The following LGSN variants were observed in gnomAD, a reference collection of about 807,000 sequenced individuals.
The protein encoded by LGSN is lengsin.
In LGSN, 21 loss-of-function variants were observed where a neutral mutation model predicts 19.5. That is an observed-to-expected ratio of 1.07 (90% CI 0.76 to 1.55). The LOEUF is 1.55. Among genes scored for constraint, LGSN ranks in the 40% most tolerant of loss-of-function variants. LGSN has a pLI of 0.00. For synonymous variants in LGSN, 257 were observed against 215.6 expected, an observed-to-expected ratio of 1.19 and a Z score of -1.68; for missense variants, 673 against 608.5, an observed-to-expected ratio of 1.11 and a Z score of -1.12.
the LGSN span, chr6:63,441,641 G>A: frequency 1.9e-5 from 9 of 479,262 alleles, no homozygotes; most frequent in Middle Eastern, 3.9e-4. Context: ...GCGGGAGAAG[G>A]CAGAGGAGAA....
At chr6:63,412,560 A>AAGAAAGAAAG in the LGSN span, among the ~76,000 whole-genome samples, 11 of 140,012 alleles carry the variant, frequency 7.9e-5, no homozygotes, top group African/African-American at 1.2e-4. Context: ...GAAAGAAAGA[A>AAGAAAGAAAG]AGAAAGAAAG....
the LGSN span, among the ~76,000 whole-genome samples, chr6:63,354,354 C>A: frequency 2.6e-5 from 4 of 151,904 alleles, no homozygotes; most frequent in Admixed American, 2.0e-4. Flanking sequence ...ATTTCTTGGA[C>A]GAAGACACAC....
chr6:63,509,254 A>G, the LGSN span, among the ~76,000 whole-genome samples: 30 of 151,974 alleles, frequency 2.0e-4, no homozygotes, highest in South Asian at 1.5e-3. Flanking sequence ...TAGTAGAGAC[A>G]GGGTTTCACC....
At chr6:63,534,661 A>T in the LGSN span, among the ~76,000 whole-genome samples, 4 of 151,764 alleles carry the variant, frequency 2.6e-5, no homozygotes, top group Non-Finnish European at 5.9e-5. Context: ...TAATAATAAA[A>T]TTGTCACCAG....
At chr6:63,430,865 T>C in the LGSN span, among the ~76,000 whole-genome samples, 219 of 152,196 alleles carry the variant, frequency 1.4e-3, 6 homozygotes, top group South Asian at 0.043. Flanking sequence ...CCTGAACAAA[T>C]GTATGATTAA....
the LGSN span, among the ~76,000 whole-genome samples, chr6:63,425,206 G>A: frequency 1.3e-5 from 2 of 152,208 alleles, no homozygotes; most frequent in Admixed American, 6.6e-5. Flanking sequence ...GAAGCAGTTT[G>A]ACAGTTTCTT....
the LGSN span, among the ~76,000 whole-genome samples, chr6:63,525,836 G>A: frequency 6.6e-6 from 1 of 152,126 alleles, no homozygotes; most frequent in Admixed American, 6.6e-5. Context: ...AAAATAGTTG[G>A]TGTGGTTTCT....
At chr6:63,419,366 G>A in the LGSN span, among the ~76,000 whole-genome samples, 7 of 152,050 alleles carry the variant, frequency 4.6e-5, no homozygotes, top group African/African-American at 1.2e-4. Context: ...AAACGATTAC[G>A]AAGGCTTTAC....
chr6:63,455,124 C>T, the LGSN span, among the ~76,000 whole-genome samples: 2 of 152,094 alleles, frequency 1.3e-5, no homozygotes, highest in Admixed American at 6.6e-5. Flanking sequence ...GGAAGTTAGC[C>T]ACAACATCCC....
At chr6:63,336,575 A>ATATATATATATATATGTGTGTGTGTG in the LGSN span, among the ~76,000 whole-genome samples, 3 of 148,692 alleles carry the variant, frequency 2.0e-5, no homozygotes, top group African/African-American at 7.5e-5. Flanking sequence ...ATATATATAT[A>ATATATATATATATATGTGTGTGTGTG]TGTATAAAAT....
chr6:63,296,042 G>C (rs536144350), intron 1 of LGSN, among the ~76,000 whole-genome samples: 1 of 152,146 alleles, frequency 6.6e-6, no homozygotes, highest in African/African-American at 2.4e-5. Context: ...AATATATGTT[G>C]AGTAACTGCT....
At chr6:63,367,841 A>G in the LGSN span, among the ~76,000 whole-genome samples, 7 of 151,890 alleles carry the variant, frequency 4.6e-5, no homozygotes, top group East Asian at 1.4e-3. Flanking sequence ...TATTGCAAGG[A>G]CAGAAAACTA....
intron 3 of LGSN, among the ~76,000 whole-genome samples, 197 bp from the exon 4 acceptor site, chr6:63,281,417 C>A (rs771363343): frequency 6.8e-6 from 1 of 148,024 alleles, no homozygotes; most frequent in African/African-American, 2.5e-5. Flanking sequence ...AATAAAACCC[C>A]CAAAGGCAAC....
chr6:63,298,259 G>A (rs144576451), intron 1 of LGSN, among the ~76,000 whole-genome samples: 208 of 152,272 alleles, frequency 1.4e-3, no homozygotes, highest in Non-Finnish European at 2.5e-3. Context: ...TTGTCTCTCA[G>A]ATTATGGAGA....
chr6:63,423,469 C>T, the LGSN span, among the ~76,000 whole-genome samples: 2 of 147,140 alleles, frequency 1.4e-5, no homozygotes, highest in African/African-American at 5.1e-5. Context: ...AACTCTGTCT[C>T]TACCAAAAAA....
At chr6:63,533,682 C>G in the LGSN span, among the ~76,000 whole-genome samples, 85 of 152,032 alleles carry the variant, frequency 5.6e-4, no homozygotes, top group African/African-American at 2.0e-3. Flanking sequence ...CTTGGGAGGA[C>G]AGGATTAGAA....
At chr6:63,552,347 T>C in the LGSN span, among the ~76,000 whole-genome samples, 1 of 152,248 alleles carries the variant, frequency 6.6e-6, no homozygotes, top group Non-Finnish European at 1.5e-5. Flanking sequence ...GAGAAGTGTC[T>C]GTTCATGTCC....
chr6:63,378,183 A>C, the LGSN span, among the ~76,000 whole-genome samples: 2 of 152,140 alleles, frequency 1.3e-5, no homozygotes, highest in African/African-American at 4.8e-5. Flanking sequence ...ATGAACACAA[A>C]CGCTTAGGGA....
chr6:63,412,742 AG>A, the LGSN span, among the ~76,000 whole-genome samples: 25 of 72,028 alleles, frequency 3.5e-4, no homozygotes, highest in Admixed American at 1.4e-3. Context: ...AAAGAAAGAA[AG>A]AAAGAAAGAA....
Sources: gnomAD v4.1 joint callset for allele counts (sites outside exome capture counted in the v4.1 genomes callset) on GRCh38, gnomAD v4.1.1 for gene constraint, MANE v1.5 for transcripts, NCBI Gene and HGNC (gene_info 2026-07-23, HGNC 2026-07-21) for gene names.